The following BMP7 variants were observed in gnomAD, a reference collection of about 807,000 sequenced individuals.
BMP7 encodes bone morphogenetic protein 7.
A neutral mutation model predicts 41.2 loss-of-function variants in BMP7; 12 were observed. That is an observed-to-expected ratio of 0.29 (90% confidence interval 0.19 to 0.47). The LOEUF (loss-of-function observed/expected upper bound fraction) is 0.47, where lower values mean the gene tolerates loss of function less well. Among genes scored for constraint, BMP7 ranks in the 20% least tolerant of loss-of-function variants. The pLI is 0.99. For synonymous variants in BMP7, 248 were observed against 250.0 expected (o/e 0.99, Z 0.07); for missense variants, 467 against 606.0 (o/e 0.77, Z 2.41).
chr20:57,264,745 G>T (rs1256605142), intron 1 of BMP7, among the ~76,000 whole-genome samples: 1 of 151,792 alleles, frequency 6.6e-6, no homozygotes, highest in Admixed American at 6.5e-5. Context: ...TAGAAGACTA[G>T]CGGCAGGGCA....
chr20:57,191,717 TGA>T (rs908444006), intron 3 of BMP7, among the ~76,000 whole-genome samples: 4 of 138,522 alleles, frequency 2.9e-5, no homozygotes, highest in African/African-American at 1.1e-4. Flanking sequence ...GGTGACAGAG[TGA>T]GACTCCACCT....
intron 3 of BMP7, 132 bp from the exon 4 acceptor site, chr20:57,184,051 G>A: frequency 9.3e-7 from 1 of 1,071,358 alleles, no homozygotes; most frequent in Non-Finnish European, 1.4e-6. Flanking sequence ...AGTATTTATT[G>A]AGTACTCACT....
Position 57,215,679 on chromosome 20 carries a change from GGCAGCT to G in BMP7, c.611+12544_611+12549del, listed in dbSNP as rs11467867. The G allele has an allele frequency of 0.056, 8,536 of 152,186 alleles. 394 individuals are homozygous for G. Among genetic ancestry groups the G allele is most frequent in the African/African-American group, 0.13 (5,218 of 41,460 alleles). The allele number at this position is 152,186 out of a possible 1,614,324, so 9.4% of individuals were successfully genotyped here. A position where few individuals can be genotyped will look rare whatever the true frequency, so the allele number is the denominator to read the frequency against. On this transcript the variant is annotated intron_variant, in intron 2 of 6. Coordinates refer to ENST00000395863, the MANE Select transcript of BMP7 (RefSeq NM_001719.3). The surrounding 1 kb of genome is among the most constrained non-coding windows in gnomAD (Gnocchi z 4.2). ...CTCTGGGGGAAATCCCACACGGATGGGCAGCTGCCTGCATCTGGCACTGTGGAGGTG... is the reference window on the plus strand; with the variant it reads ...CTCTGGGGGAAATCCCACACGGATGGGCCTGCATCTGGCACTGTGGAGGTG...
chr20:57,182,606 C>G (rs1041955310), intron 4 of BMP7, among the ~76,000 whole-genome samples: 4 of 152,216 alleles, frequency 2.6e-5, no homozygotes, highest in African/African-American at 9.6e-5. Context: ...CCCCAGGGAC[C>G]CAATCCCAGG....
At chr20:57,237,377 C>T (rs981889526) in intron 1 of BMP7, among the ~76,000 whole-genome samples, 5 of 152,150 alleles carry the variant, frequency 3.3e-5, no homozygotes, top group Admixed American at 2.6e-4. Flanking sequence ...TCGCTCTTTC[C>T]CTGGAGGGCT....
intron 3 of BMP7, among the ~76,000 whole-genome samples, chr20:57,199,206 T>G (rs1984567871): frequency 6.6e-6 from 1 of 152,176 alleles, no homozygotes; most frequent in South Asian, 2.1e-4. Context: ...CCACAGGCCC[T>G]GCTGCCCTTC....
chr20:57,212,052 A>T (rs1435821969), intron 2 of BMP7, among the ~76,000 whole-genome samples: 1 of 152,178 alleles, frequency 6.6e-6, no homozygotes, highest in Admixed American at 6.5e-5. Flanking sequence ...GCAGCCAGAG[A>T]TGGAGCTCCG....
intron 2 of BMP7, among the ~76,000 whole-genome samples, chr20:57,218,548 G>A (rs900036856): frequency 4.0e-4 from 60 of 151,850 alleles, no homozygotes; most frequent in Non-Finnish European, 6.3e-4. Flanking sequence ...GGTGGTAGCT[G>A]GTGTTTTGTA....
chr20:57,182,236 G>T (rs966489892), intron 4 of BMP7, among the ~76,000 whole-genome samples: 6 of 152,344 alleles, frequency 3.9e-5, no homozygotes, highest in African/African-American at 1.4e-4. Flanking sequence ...GCATGAGCCA[G>T]GCAAGGGGTG....
intron 4 of BMP7, among the ~76,000 whole-genome samples, chr20:57,176,749 TTCACACACACACACACACAC>T (rs1234477848): frequency 1.1e-4 from 3 of 28,132 alleles, no homozygotes; most frequent in Non-Finnish European, 2.5e-4. Context: ...ACATTCTCCA[TTCACACACACACACACACAC>T]ACACACACAC....
chr20:57,264,489 A>T (rs978481883), intron 1 of BMP7, among the ~76,000 whole-genome samples: 2 of 152,166 alleles, frequency 1.3e-5, no homozygotes, highest in African/African-American at 4.8e-5. Context: ...GGTTAGTTTG[A>T]GCAAGTCTGG....
At position 57,212,874 on chromosome 20, in the gene BMP7, G is replaced by A. The variant is rs114557082; in HGVS notation, c.612-10251C>T. ...CTGCAGGCTGGGGAGGACTCAGCCCGGGCCCCAGGCTCCCCCACCTCAGCT... is the reference window on the plus strand; with the variant it reads ...CTGCAGGCTGGGGAGGACTCAGCCCAGGCCCCAGGCTCCCCCACCTCAGCT... On this transcript the variant is annotated intron_variant, in intron 2 of 6. Coordinates refer to ENST00000395863, the MANE Select transcript of BMP7 (RefSeq NM_001719.3). Among the ~76,000 whole-genome samples the A allele has an allele frequency of 2.6e-3, 403 of 152,322 alleles. 2 individuals are homozygous for A. Among genetic ancestry groups the A allele is most frequent in the Middle Eastern group, 0.024 (7 of 294 alleles).
At position 57,202,560 on chromosome 20, in the gene BMP7, C is replaced by G; in HGVS notation, c.675G>C (p.Val225=). The G allele has an allele frequency of 6.2e-7, 1 of 1,612,234 alleles. No individual in the cohort carries two copies. Among genetic ancestry groups the G allele is most frequent in the South Asian group, 1.1e-5 (1 of 91,072 alleles). ...GGTTGCTGGTGGCTGTGATGTCAAA[C>G]ACCAGCCAGCCCTCCTCCGAGGCCC... The part of the protein sequence containing the change: ...TLWASEEGWL[V]FDITATSNHW... Residue 225 remains valine, a synonymous_variant, in exon 3 of 7, where the codon GTG becomes GTC. Coordinates refer to ENST00000395863, the MANE Select transcript of BMP7 (RefSeq NM_001719.3).
chr20:57,242,949 G>A (rs1280407539), intron 1 of BMP7, among the ~76,000 whole-genome samples: 5 of 152,152 alleles, frequency 3.3e-5, no homozygotes, highest in African/African-American at 1.2e-4. Flanking sequence ...GTTGCAGTGA[G>A]CCAAGATGGT....
chr20:57,184,264 G>A (rs531682453), intron 3 of BMP7, among the ~76,000 whole-genome samples: 3 of 152,282 alleles, frequency 2.0e-5, no homozygotes, highest in African/African-American at 7.2e-5. Flanking sequence ...GCAGGTCGTG[G>A]TATCTGCCTA....
rs117724280 is a variant in BMP7, at chr20:57,224,245, G to A, written c.611+3984C>T. Among the ~76,000 whole-genome samples the A allele has an allele frequency of 4.0e-3, 606 of 152,280 alleles. 6 individuals are homozygous for A. The highest frequency in any genetic ancestry group is 0.021 in the East Asian group (108 of 5,172). On this transcript the variant is annotated intron_variant, in intron 2 of 6. Transcript: ENST00000395863. The surrounding 1 kb of genome is among the most constrained non-coding windows in gnomAD (Gnocchi z 4.8). ...TCCAAATCTTGGCCCTCGAGACCAC[G>A]CTGAGGTCACCCTCCTGGCAGCCAA...
intron 2 of BMP7, among the ~76,000 whole-genome samples, chr20:57,218,064 G>A (rs1044908461): frequency 5.3e-5 from 8 of 152,212 alleles, no homozygotes; most frequent in South Asian, 2.1e-4. Context: ...GGCCAGGGCC[G>A]GCTTCATGGG....
At chr20:57,249,482 ATGTC>A (rs1410915727) in intron 1 of BMP7, among the ~76,000 whole-genome samples, 1 of 152,068 alleles carries the variant, frequency 6.6e-6, no homozygotes, top group Non-Finnish European at 1.5e-5. Flanking sequence ...ACTCTACCCA[ATGTC>A]TGTCCTACCT....
At chr20:57,216,097 T>C (rs879616326) in intron 2 of BMP7, among the ~76,000 whole-genome samples, 1 of 152,128 alleles carries the variant, frequency 6.6e-6, no homozygotes, top group African/African-American at 2.4e-5. Context: ...CAGAGCGGGC[T>C]GTTCTAAGAC....
Sources: gnomAD v4.1 joint callset for allele counts (sites outside exome capture counted in the v4.1 genomes callset) on GRCh38, gnomAD v4.1.1 for gene constraint, Gnocchi (gnomAD v3.1) non-coding constraint, MANE v1.5 for transcripts, NCBI Gene and HGNC (gene_info 2026-07-23, HGNC 2026-07-21) for gene names.